Variants in TMEM71 observed in about 807,000 individuals in gnomAD.
The protein encoded by TMEM71 is transmembrane protein 71.
In TMEM71, 44 loss-of-function variants were observed where a neutral mutation model predicts 38.0. The observed-to-expected ratio is 1.16, with a 90% confidence interval of 0.91 to 1.49. The LOEUF (loss-of-function observed/expected upper bound fraction) is 1.49, where lower values mean the gene tolerates loss of function less well. TMEM71 is among the 40% of genes most tolerant of loss of function. TMEM71 has a pLI of 0.00. For synonymous variants in TMEM71, 133 were observed against 122.5 expected (o/e 1.09, Z -0.56); for missense variants, 367 against 348.6 (o/e 1.05, Z -0.42).
At chr8:132,746,464 C>CATATATACATATATAT (rs1828380313) in intron 5 of TMEM71, among the ~76,000 whole-genome samples, 1 of 17,636 alleles carries the variant, frequency 5.7e-5, no homozygotes, top group South Asian at 3.2e-3. Flanking sequence ...TATATATATA[C>CATATATACATATATAT]ATATATATAT....
intron 5 of TMEM71, among the ~76,000 whole-genome samples, chr8:132,743,675 A>G (rs1190638567): frequency 6.6e-6 from 1 of 152,036 alleles, no homozygotes; most frequent in East Asian, 1.9e-4. Context: ...CTCAGTAACC[A>G]CCTAGACTGA....
chr8:132,759,557 T>C (rs1829216808), intron 1 of TMEM71: 1 of 152,240 alleles, frequency 6.6e-6, no homozygotes, highest in African/African-American at 2.4e-5. Flanking sequence ...ATTAAAAACA[T>C]ATCAAAGTAT....
chr8:132,766,143 C>T, the TMEM71 span, among the ~76,000 whole-genome samples: 9 of 152,110 alleles, frequency 5.9e-5, no homozygotes, highest in African/African-American at 1.9e-4. Context: ...GCTCCTTGTG[C>T]CATCATTCCT....
chr8:132,730,003 G>C (rs1404500385), intron 5 of TMEM71, among the ~76,000 whole-genome samples: 1 of 151,116 alleles, frequency 6.6e-6, no homozygotes, highest in Non-Finnish European at 1.5e-5. Flanking sequence ...TTGTTGCCCA[G>C]GCTGGAGTGC....
chr8:132,714,317 A>G, intron 7 of TMEM71, 102 bp from the exon 8 acceptor site: 1 of 872,354 alleles, frequency 1.1e-6, no homozygotes, highest in Non-Finnish European at 1.9e-6. Flanking sequence ...AAGGTTTACT[A>G]TGAAACTACA....
the TMEM71 span, chr8:132,775,449 T>C: frequency 2.6e-6 from 1 of 384,314 alleles, no homozygotes; most frequent in Non-Finnish European, 4.6e-6. Context: ...CTGAGCGAGC[T>C]TGAGGGCTCG....
chr8:132,724,881 C>T (rs1362318359), intron 6 of TMEM71, among the ~76,000 whole-genome samples: 1 of 152,140 alleles, frequency 6.6e-6, no homozygotes, highest in Admixed American at 6.5e-5. Context: ...GTGAAACATG[C>T]CCTTCCAAAA....
intron 7 of TMEM71, among the ~76,000 whole-genome samples, chr8:132,715,056 A>G (rs1826430569): frequency 1.3e-5 from 2 of 152,356 alleles, no homozygotes; most frequent in East Asian, 3.9e-4. Flanking sequence ...ACAACTGGCA[A>G]TACAAAATGC....
At chr8:132,763,735 C>A (rs964790898), upstream of TMEM71, among the ~76,000 whole-genome samples, 6 of 152,158 alleles carry the variant, frequency 3.9e-5, no homozygotes, top group Admixed American at 6.5e-5. Context: ...GTGTTGCAAA[C>A]GTTCATGTGT....
At chr8:132,734,122 T>A (rs1337874894) in intron 5 of TMEM71, among the ~76,000 whole-genome samples, 2 of 152,028 alleles carry the variant, frequency 1.3e-5, no homozygotes, top group Admixed American at 6.6e-5. Context: ...ACATGGTATT[T>A]ATTAATAAGG....
At chr8:132,727,665 G>A in intron 6 of TMEM71, 133 bp downstream of exon 6, 1 of 707,016 alleles carries the variant, frequency 1.4e-6, no homozygotes, top group Non-Finnish European at 2.3e-6. Flanking sequence ...TTTGGCAGAG[G>A]CCCCATGTCC....
At chr8:132,745,339 A>C (rs1828279163) in intron 5 of TMEM71, among the ~76,000 whole-genome samples, 1 of 152,178 alleles carries the variant, frequency 6.6e-6, no homozygotes, top group East Asian at 1.9e-4. Context: ...AGCAAAAACC[A>C]AATAATCCCA....
At chr8:132,707,901 G>C (rs541381633), downstream of TMEM71, among the ~76,000 whole-genome samples, 5 of 152,210 alleles carry the variant, frequency 3.3e-5, no homozygotes, top group South Asian at 1.0e-3. Context: ...CATTTAATAA[G>C]TACAGGAACC....
chr8:132,706,193 T>C (rs1356367372), downstream of TMEM71, among the ~76,000 whole-genome samples: 2 of 152,160 alleles, frequency 1.3e-5, no homozygotes, highest in Non-Finnish European at 2.9e-5. Flanking sequence ...ACATGTTTGT[T>C]GGGTAAGACA....
chr8:132,737,011 A>G (rs1238265246), intron 5 of TMEM71, among the ~76,000 whole-genome samples: 4 of 152,216 alleles, frequency 2.6e-5, no homozygotes, highest in Non-Finnish European at 5.9e-5. Context: ...TAAACATTTT[A>G]TCAAAATGAA....
chr8:132,736,508 T>A (rs993796446), intron 5 of TMEM71, among the ~76,000 whole-genome samples: 4 of 152,130 alleles, frequency 2.6e-5, no homozygotes, highest in African/African-American at 9.7e-5. Context: ...TGACTAGAGT[T>A]AATAATAATG....
chr8:132,753,543 T>C (rs901305816), intron 3 of TMEM71, among the ~76,000 whole-genome samples: 1 of 152,102 alleles, frequency 6.6e-6, no homozygotes, highest in African/African-American at 2.4e-5. Flanking sequence ...ACAAACATTG[T>C]CCCGTCTCTG....
chr8:132,736,624 G>C (rs1043112694), intron 5 of TMEM71, among the ~76,000 whole-genome samples: 2 of 152,152 alleles, frequency 1.3e-5, no homozygotes, highest in Non-Finnish European at 2.9e-5. Flanking sequence ...GAGCTCAGGA[G>C]TTTGAGACCA....
intron 3 of TMEM71, among the ~76,000 whole-genome samples, chr8:132,752,612 T>C (rs1212989320): frequency 1.3e-5 from 2 of 152,112 alleles, no homozygotes; most frequent in Admixed American, 1.3e-4. Context: ...CATGTGCCTA[T>C]AGTCCCAGCT....
Sources: allele counts gnomAD v4.1 joint callset (sites outside exome capture counted in the v4.1 genomes callset), GRCh38; gene constraint gnomAD v4.1.1; transcripts MANE v1.5; gene names NCBI Gene and HGNC (gene_info 2026-07-23, HGNC 2026-07-21).